GPR39: variants seen among roughly 807,000 people sequenced by gnomAD.
GPR39 encodes the protein G protein-coupled receptor 39.
Under a neutral mutation model 18.4 loss-of-function variants are expected in GPR39, and 23 were observed. The ratio of observed to expected loss-of-function variants is 1.25; its 90% confidence interval spans 0.90 to 1.77. The LOEUF is 1.77. GPR39 is among the 40% of genes most tolerant of loss of function. The pLI is 0.00. For missense variants in GPR39, 647 were observed against 602.4 expected (o/e 1.07, Z -0.78); for synonymous variants, 280 against 257.9 (o/e 1.09, Z -0.82).
intron 1 of GPR39, among the ~76,000 whole-genome samples, chr2:132,469,406 T>C (rs1218438032): frequency 1.3e-5 from 2 of 152,124 alleles, no homozygotes; most frequent in Non-Finnish European, 2.9e-5. Context: ...TCCTTGGGAG[T>C]GTGGGTGTGC....
At chr2:132,448,985 T>C (rs1384532305) in intron 1 of GPR39, among the ~76,000 whole-genome samples, 1 of 152,210 alleles carries the variant, frequency 6.6e-6, no homozygotes, top group Non-Finnish European at 1.5e-5. Context: ...CAGCCAGCTC[T>C]CCGCAACCCC....
At chr2:132,641,738 G>T (rs562843991) in intron 1 of GPR39, among the ~76,000 whole-genome samples, 132 of 152,282 alleles carry the variant, frequency 8.7e-4, no homozygotes, top group African/African-American at 3.1e-3. Context: ...GAATGTGGCT[G>T]CTAGAAAATT....
intron 1 of GPR39, among the ~76,000 whole-genome samples, chr2:132,466,109 T>C (rs1303609538): frequency 6.6e-6 from 1 of 152,204 alleles, no homozygotes; most frequent in Non-Finnish European, 1.5e-5. Context: ...CTTAGCATAC[T>C]CTTGAGCTTG....
chr2:132,642,878 G>GAA (rs57152989), intron 1 of GPR39, among the ~76,000 whole-genome samples: 186 of 151,836 alleles, frequency 1.2e-3, no homozygotes, highest in African/African-American at 4.4e-3. Context: ...ACAGGAAAGA[G>GAA]AAAAAAAATG....
At chr2:132,527,788 T>G (rs1385064758) in intron 1 of GPR39, among the ~76,000 whole-genome samples, 3 of 152,178 alleles carry the variant, frequency 2.0e-5, no homozygotes, top group Non-Finnish European at 4.4e-5. Context: ...ATGGGGTTGT[T>G]TTTTTTCTTG....
At chr2:132,595,221 A>G (rs1680916164) in intron 1 of GPR39, among the ~76,000 whole-genome samples, 1 of 152,038 alleles carries the variant, frequency 6.6e-6, no homozygotes, top group African/African-American at 2.4e-5. Context: ...GCTGGTCTTG[A>G]ACTCCTGACC....
At chr2:132,487,683 T>A (rs989046909) in intron 1 of GPR39, among the ~76,000 whole-genome samples, 11 of 152,168 alleles carry the variant, frequency 7.2e-5, no homozygotes, top group Admixed American at 3.3e-4. Flanking sequence ...CAATTAGACC[T>A]AGCTTTAAAG....
intron 1 of GPR39, among the ~76,000 whole-genome samples, chr2:132,464,801 A>G (rs539699975): frequency 6.1e-4 from 93 of 152,302 alleles, no homozygotes; most frequent in African/African-American, 2.1e-3. Flanking sequence ...TAGTCCTTCT[A>G]GCAAACCTCC....
chr2:132,424,576 T>C (rs1306083950), intron 1 of GPR39, among the ~76,000 whole-genome samples: 1 of 152,224 alleles, frequency 6.6e-6, no homozygotes, highest in African/African-American at 2.4e-5. Flanking sequence ...TATCTCTCCC[T>C]TTAATGTATC....
chr2:132,471,652 G>GTT (rs60886637), intron 1 of GPR39, among the ~76,000 whole-genome samples: 40 of 138,422 alleles, frequency 2.9e-4, no homozygotes, highest in Admixed American at 4.3e-4. Flanking sequence ...CCAGCAAGGA[G>GTT]TTTTTTTTTT....
At chr2:132,588,055 T>A (rs1429334429) in intron 1 of GPR39, among the ~76,000 whole-genome samples, 1 of 152,036 alleles carries the variant, frequency 6.6e-6, no homozygotes, top group Non-Finnish European at 1.5e-5. Flanking sequence ...GATCTTGACA[T>A]CCTATTGCAG....
intron 1 of GPR39, among the ~76,000 whole-genome samples, chr2:132,477,975 A>T (rs929685227): frequency 6.6e-6 from 1 of 152,224 alleles, no homozygotes; most frequent in African/African-American, 2.4e-5. Context: ...TTTAAAATCA[A>T]TACCATAACC....
At chr2:132,545,877 T>C (rs1679939308) in intron 1 of GPR39, among the ~76,000 whole-genome samples, 1 of 151,720 alleles carries the variant, frequency 6.6e-6, no homozygotes, top group Non-Finnish European at 1.5e-5. Context: ...ACAATAAGAG[T>C]CTGATCACTG....
Position 132,637,906 on chromosome 2 carries a change from C to T in GPR39, c.857-7195C>T, listed in dbSNP as rs1053730647. Among the ~76,000 whole-genome samples the T allele has an allele frequency of 8.5e-5, 13 of 152,104 alleles. No homozygotes were observed. The Middle Eastern group carries it at 0.01, about 119-fold the overall frequency. The stretch of plus-strand genomic sequence containing the variant: ...ACCCAATTGCCTTCTCAAGATGATC[C>T]GAATAAATAATGGGAAGGGAGAGGT... On this transcript the variant is annotated intron_variant, in intron 1 of 1. Transcript: ENST00000329321.
rs113436101 is a variant in GPR39 at position 132,587,788 on chromosome 2, G to C, written c.857-57313G>C. ...GACCTCAGGTGATCCACCCGCCTCAGCCTCCCAAAGTGCTGTGATTACAGG... is the reference window on the plus strand; with the variant it reads ...GACCTCAGGTGATCCACCCGCCTCACCCTCCCAAAGTGCTGTGATTACAGG... On this transcript the variant is annotated intron_variant, in intron 1 of 1. Transcript: ENST00000329321. Among the ~76,000 whole-genome samples, 210 of 152,324 alleles carry C rather than the reference G, an allele frequency of 1.4e-3. 1 individual carries two copies. The highest frequency in any genetic ancestry group is 2.5e-3 in the Non-Finnish European group (172 of 68,036).
At chr2:132,629,969 C>T (rs938518830) in intron 1 of GPR39, among the ~76,000 whole-genome samples, 3 of 152,096 alleles carry the variant, frequency 2.0e-5, no homozygotes, top group African/African-American at 4.8e-5. Context: ...AACGATAGTG[C>T]GTCTTATTGT....
rs572299399 is a variant in GPR39, at chr2:132,458,335, T to TA, written c.856+40445dup. On this transcript the variant is annotated intron_variant, in intron 1 of 1. Transcript: ENST00000329321. Reference sequence around the variant, plus strand: ...TTATTTCTATAATGTTTTTATTTTTTAAAAAAAATTCACTTATTTCCAGAT... The same window carrying TA: ...TTATTTCTATAATGTTTTTATTTTTTAAAAAAAAATTCACTTATTTCCAGAT... Among the ~76,000 whole-genome samples, 352 of 152,142 alleles carry TA rather than the reference T, an allele frequency of 2.3e-3. 3 individuals are homozygous for TA. The highest frequency in any genetic ancestry group is 7.7e-3 in the African/African-American group (319 of 41,498).
chr2:132,530,271 T>C (rs1219562621), intron 1 of GPR39, among the ~76,000 whole-genome samples: 1 of 151,742 alleles, frequency 6.6e-6, no homozygotes, highest in Non-Finnish European at 1.5e-5. Context: ...GAAGATGAAA[T>C]GAATGAAATG....
intron 1 of GPR39, among the ~76,000 whole-genome samples, chr2:132,539,591 T>C (rs562696644): frequency 6.6e-6 from 1 of 152,288 alleles, no homozygotes; most frequent in East Asian, 1.9e-4. Flanking sequence ...ATAAAGTACC[T>C]CCTATCCCAA....
Sources: allele counts gnomAD v4.1 joint callset (sites outside exome capture counted in the v4.1 genomes callset), GRCh38; gene constraint gnomAD v4.1.1; transcripts MANE v1.5; gene names NCBI Gene and HGNC (gene_info 2026-07-23, HGNC 2026-07-21).